Variants in CNTN5 observed in about 807,000 individuals in gnomAD.
CNTN5 encodes contactin-5.
Under a neutral mutation model 129.1 loss-of-function variants are expected in CNTN5, and 77 were observed. The ratio of observed to expected loss-of-function variants is 0.60; its 90% CI spans 0.50 to 0.72. The LOEUF (loss-of-function observed/expected upper bound fraction) is 0.72. CNTN5 is among the 30% of genes least tolerant of loss of function. The pLI is 0.00. For synonymous variants in CNTN5, 509 were observed against 465.6 expected, an observed-to-expected ratio of 1.09 and a Z score of -1.20; for missense variants, 1,478 against 1,328.8, an observed-to-expected ratio of 1.11 and a Z score of -1.75.
intron 7 of CNTN5, among the ~76,000 whole-genome samples, chr11:99,933,159 T>C (rs922388436): frequency 3.9e-5 from 6 of 152,182 alleles, no homozygotes; most frequent in Non-Finnish European, 7.3e-5. Context: ...TAAAGAAATA[T>C]AGTGATGTAG....
At chr11:100,309,771 C>T (rs1951433508) in intron 21 of CNTN5, 3 of 923,128 alleles carry the variant, frequency 3.2e-6, no homozygotes, top group Non-Finnish European at 3.9e-6. Flanking sequence ...TGTCCAGTTT[C>T]CCTTCTCTAT....
At chr11:99,644,404 A>G (rs1951875334) in intron 3 of CNTN5, among the ~76,000 whole-genome samples, 3 of 152,208 alleles carry the variant, frequency 2.0e-5, no homozygotes. Context: ...AGCAAACAGT[A>G]GAACCATATT....
chr11:100,281,006 T>C (rs533794390), intron 18 of CNTN5, among the ~76,000 whole-genome samples: 2 of 152,288 alleles, frequency 1.3e-5, no homozygotes, highest in South Asian at 4.1e-4. Context: ...CCTTTTTAAC[T>C]TTCTGCTGTT....
At chr11:99,223,937 G>T (rs745336154) in intron 1 of CNTN5, among the ~76,000 whole-genome samples, 1 of 152,068 alleles carries the variant, frequency 6.6e-6, no homozygotes, top group Non-Finnish European at 1.5e-5. Flanking sequence ...GGACATTGTT[G>T]TCCAAGTATA....
At chr11:100,138,409 CA>C (rs1321208842) in intron 13 of CNTN5, among the ~76,000 whole-genome samples, 2 of 151,902 alleles carry the variant, frequency 1.3e-5, no homozygotes, top group Admixed American at 6.6e-5. Context: ...TGTATTGTAT[CA>C]GGGAAAGTCA....
At chr11:99,208,308 G>A (rs1859585345) in intron 1 of CNTN5, among the ~76,000 whole-genome samples, 1 of 152,108 alleles carries the variant, frequency 6.6e-6, no homozygotes, top group African/African-American at 2.4e-5. Context: ...CATTTACAGT[G>A]CCTTTTCTGT....
intron 9 of CNTN5, among the ~76,000 whole-genome samples, chr11:100,054,185 A>C (rs1943101906): frequency 6.6e-6 from 1 of 151,710 alleles, no homozygotes; most frequent in Non-Finnish European, 1.5e-5. Flanking sequence ...CAAAAGAATT[A>C]AAGCTACAAT....
chr11:99,483,353 G>T (rs1324581894), intron 2 of CNTN5, among the ~76,000 whole-genome samples: 2 of 152,010 alleles, frequency 1.3e-5, no homozygotes, highest in Non-Finnish European at 2.9e-5. Flanking sequence ...ACTTGAGAGG[G>T]GTCTCATGCA....
chr11:99,973,358 G>T (rs2137316042), intron 8 of CNTN5, among the ~76,000 whole-genome samples: 1 of 152,224 alleles, frequency 6.6e-6, no homozygotes, highest in South Asian at 2.1e-4. Context: ...TAGAAATTTA[G>T]ATTAAAATGT....
intron 9 of CNTN5, among the ~76,000 whole-genome samples, chr11:100,041,756 T>C (rs1217649311): frequency 6.6e-6 from 1 of 152,318 alleles, no homozygotes; most frequent in Non-Finnish European, 1.5e-5. Flanking sequence ...AAAACAATGG[T>C]AAAAACATAA....
intron 3 of CNTN5, among the ~76,000 whole-genome samples, chr11:99,698,589 T>C (rs920461434): frequency 1.3e-5 from 2 of 151,480 alleles, no homozygotes; most frequent in African/African-American, 4.8e-5. Flanking sequence ...TGTTAACACT[T>C]CTAAAATATA....
intron 3 of CNTN5, among the ~76,000 whole-genome samples, chr11:99,689,663 C>A (rs1565429976): frequency 6.6e-6 from 1 of 150,412 alleles, no homozygotes; most frequent in Admixed American, 6.6e-5. Context: ...TTTTGATTTG[C>A]ATTTCTGTAA....
intron 1 of CNTN5, among the ~76,000 whole-genome samples, chr11:99,174,825 G>T (rs1401039569): frequency 1.3e-5 from 2 of 151,876 alleles, no homozygotes; most frequent in Non-Finnish European, 2.9e-5. Context: ...GGTAATCACA[G>T]AATTTTCCAA....
At chr11:99,637,620 CTTTTTAGTTTG>C in intron 3 of CNTN5, among the ~76,000 whole-genome samples, 1 of 151,908 alleles carries the variant, frequency 6.6e-6, no homozygotes, top group South Asian at 2.1e-4. Flanking sequence ...TTCTCATATT[CTTTTTAGTTTG>C]TTTTTAAACT....
chr11:99,642,358 C>T lies in CNTN5; in HGVS notation c.55+86089C>T, dbSNP rs533396326. Among the ~76,000 whole-genome samples, 10 of 152,256 alleles carry T rather than the reference C, an allele frequency of 6.6e-5. No individual in the cohort carries two copies. The South Asian group carries it at 2.1e-3, about 32-fold the overall frequency. On this transcript the variant is annotated intron_variant, in intron 3 of 24. Coordinates refer to ENST00000524871, the MANE Select transcript of CNTN5 (RefSeq NM_014361.4). ...TTTTGAAATTTTTAATTCTTAATAT[C>T]TTTCAAGTTGGATCTCTGTCATTTG...
chr11:99,103,103 A>G (rs1866818917), intron 1 of CNTN5, among the ~76,000 whole-genome samples: 1 of 152,134 alleles, frequency 6.6e-6, no homozygotes, highest in Non-Finnish European at 1.5e-5. Flanking sequence ...CGTAAGGCTT[A>G]TTCACTACCA....
Position 99,348,184 on chromosome 11 carries a change from A to T in CNTN5, c.-71+22700A>T, listed in dbSNP as rs1250521859. Among the ~76,000 whole-genome samples, 3 of 152,212 alleles carry T rather than the reference A, an allele frequency of 2.0e-5. No individual in the cohort carries two copies. The East Asian group carries it at 5.8e-4, about 30-fold the overall frequency. On this transcript the variant is annotated intron_variant, in intron 2 of 24. Coordinates refer to ENST00000524871, the MANE Select transcript of CNTN5 (RefSeq NM_014361.4). ...GAAACCGCATCTCTACTAAAAATAC[A>T]AAAAATTAGCCAGGCGTGGTGGCAG...
At chr11:99,318,977 G>A (rs1865454924) in intron 1 of CNTN5, among the ~76,000 whole-genome samples, 1 of 152,200 alleles carries the variant, frequency 6.6e-6, no homozygotes, top group South Asian at 2.1e-4. Flanking sequence ...TCCATTTAGA[G>A]ATGACAGAAT....
intron 9 of CNTN5, among the ~76,000 whole-genome samples, chr11:100,025,422 G>C (rs192636579): frequency 1.1e-4 from 16 of 152,214 alleles, no homozygotes; most frequent in Non-Finnish European, 1.8e-4. Flanking sequence ...AGTGCAGAAG[G>C]GAACTGTTGG....
Sources: gnomAD v4.1 joint callset for allele counts (sites outside exome capture counted in the v4.1 genomes callset) on GRCh38, gnomAD v4.1.1 for gene constraint, MANE v1.5 for transcripts, NCBI Gene and HGNC (gene_info 2026-07-23, HGNC 2026-07-21) for gene names.